The following ATP10A variants were observed in gnomAD, a reference collection of about 807,000 sequenced individuals.
The protein encoded by ATP10A is ATPase phospholipid transporting 10A (putative), also known as phospholipid-transporting ATPase VA.
Under a neutral mutation model 147.8 loss-of-function variants are expected in ATP10A, and 111 were observed. The observed-to-expected ratio is 0.75, with a 90% CI of 0.64 to 0.88. The LOEUF (loss-of-function observed/expected upper bound fraction) is 0.88, where lower values mean the gene tolerates loss of function less well. Among genes scored for constraint, ATP10A ranks in the 40% least tolerant of loss-of-function variants. The probability of loss-of-function intolerance (pLI) is 0.00; values close to 1 mark genes in which losing one functional copy is unlikely to be tolerated. For synonymous variants in ATP10A, 875 were observed against 841.6 expected (o/e 1.04, Z -0.69); for missense variants, 1,927 against 1,959.0 (o/e 0.98, Z 0.31).
chr15:25,704,828 C>T (rs911362370), intron 12 of ATP10A, among the ~76,000 whole-genome samples: 2 of 152,142 alleles, frequency 1.3e-5, no homozygotes, highest in Admixed American at 6.5e-5. Flanking sequence ...TGAGTAAATG[C>T]CACTGTCTTT....
At chr15:25,675,826 G>A (rs1899125578), downstream of ATP10A, among the ~76,000 whole-genome samples, 2 of 152,076 alleles carry the variant, frequency 1.3e-5, no homozygotes, top group East Asian at 1.9e-4. Flanking sequence ...GGTGCCTATA[G>A]TCCCAGCTAC....
At chr15:25,783,876 G>A (rs1890041675) in intron 1 of ATP10A, among the ~76,000 whole-genome samples, 5 of 152,152 alleles carry the variant, frequency 3.3e-5, no homozygotes, top group South Asian at 2.1e-4. Context: ...AGGGAACCAT[G>A]GGGTCCTCTG....
chr15:25,741,941 C>A (rs1887599816), intron 2 of ATP10A, among the ~76,000 whole-genome samples: 1 of 152,244 alleles, frequency 6.6e-6, no homozygotes, highest in South Asian at 2.1e-4. Flanking sequence ...GTGATAATTT[C>A]TCCAAGTTCC....
intron 1 of ATP10A, among the ~76,000 whole-genome samples, chr15:25,834,781 A>G (rs1344913171): frequency 6.6e-6 from 1 of 152,258 alleles, no homozygotes; most frequent in Non-Finnish European, 1.5e-5. Context: ...ACCATTTAAC[A>G]ATGAACAAAA....
intron 1 of ATP10A, among the ~76,000 whole-genome samples, chr15:25,849,176 G>A (rs1441662207): frequency 2.6e-5 from 4 of 152,094 alleles, no homozygotes; most frequent in Non-Finnish European, 2.9e-5. Flanking sequence ...TAGCTGCTTG[G>A]TGGCTGGACC....
At chr15:25,805,633 G>A (rs553570808) in intron 1 of ATP10A, among the ~76,000 whole-genome samples, 4 of 152,278 alleles carry the variant, frequency 2.6e-5, no homozygotes, top group Admixed American at 6.5e-5. Flanking sequence ...CAGATTGGAG[G>A]GGTGTGTCTG....
chr15:25,782,720 C>T (rs545939022), intron 1 of ATP10A, among the ~76,000 whole-genome samples: 1 of 152,096 alleles, frequency 6.6e-6, no homozygotes, highest in African/African-American at 2.4e-5. Context: ...ATTCTTTTTC[C>T]TGGAATAACA....
chr15:25,777,113 G>C (rs1889652697), intron 2 of ATP10A, among the ~76,000 whole-genome samples: 1 of 151,870 alleles, frequency 6.6e-6, no homozygotes, highest in Non-Finnish European at 1.5e-5. Context: ...GTGTGTGTGT[G>C]TGTGTACCCG....
Position 25,679,487 on chromosome 15 carries a change from T to C in ATP10A, c.4354A>G (p.Ser1452Gly), listed in dbSNP as rs370825243. 6.2e-7 allele frequency: 1 copy of C among 1,613,708 alleles called. No homozygotes were observed. The highest frequency in any genetic ancestry group is 1.3e-5 in the African/African-American group (1 of 74,874). Residue 1452 changes from serine to glycine, a missense_variant, in exon 21 of 21, where the codon AGT (serine) becomes GGT (glycine). Coordinates refer to ENST00000555815, the MANE Select transcript of ATP10A (RefSeq NM_024490.4). Reference protein sequence around the residue: ...SSWSLVSRLGSVLQFSRTEQL... With the variant: ...SSWSLVSRLGGVLQFSRTEQL... ...TCCGTCCGGGAGAACTGTAAGACAC[T>C]CCCCAGCCTGCTGACCAGCGACCAG...
chr15:25,837,136 A>G (rs191677452), intron 1 of ATP10A, among the ~76,000 whole-genome samples: 314 of 152,264 alleles, frequency 2.1e-3, no homozygotes, highest in Non-Finnish European at 3.5e-3. Flanking sequence ...TTTCCGGTAT[A>G]TAATACAAGA....
intron 13 of ATP10A, among the ~76,000 whole-genome samples, chr15:25,695,572 T>A (rs1198310309): frequency 6.6e-6 from 1 of 152,006 alleles, no homozygotes; most frequent in East Asian, 1.9e-4. Flanking sequence ...GAGCTTGCAG[T>A]GAGCCAAGAT....
chr15:25,721,543 CGTGTGTGT>C (rs59037981), intron 7 of ATP10A, 106 bp downstream of exon 7: 22,459 of 745,504 alleles, frequency 0.03, 277 homozygotes, highest in African/African-American at 0.1. Flanking sequence ...ATCCCTGAAG[CGTGTGTGT>C]GTGTGTGTGT....
chr15:25,737,197 G>A (rs914939475), intron 2 of ATP10A, among the ~76,000 whole-genome samples: 6 of 152,178 alleles, frequency 3.9e-5, no homozygotes, highest in Non-Finnish European at 8.8e-5. Flanking sequence ...CTTCTCCTTG[G>A]ACTGAAATGG....
chr15:25,780,951 A>G (rs1889889080), intron 2 of ATP10A, 68 bp downstream of exon 2: 2 of 1,519,696 alleles, frequency 1.3e-6, no homozygotes, highest in African/African-American at 2.7e-5. Context: ...TCTGAGCCCC[A>G]GAAGGCTGTC....
chr15:25,713,628 A>G (rs1901573016), intron 10 of ATP10A, 46 bp downstream of exon 10: 3 of 1,567,028 alleles, frequency 1.9e-6, no homozygotes, highest in Middle Eastern at 1.7e-4. Context: ...ATTTCTCAGG[A>G]CCTCCTCCCC....
At chr15:25,836,122 A>G (rs1222797000) in intron 1 of ATP10A, among the ~76,000 whole-genome samples, 1 of 152,002 alleles carries the variant, frequency 6.6e-6, no homozygotes, top group African/African-American at 2.4e-5. Flanking sequence ...CTAATTTTTC[A>G]ATTTTTAGTA....
intron 1 of ATP10A, among the ~76,000 whole-genome samples, chr15:25,791,928 T>C (rs12148308): frequency 0.069 from 10,558 of 152,278 alleles, 582 homozygotes; most frequent in East Asian, 0.29. Context: ...CAGTCACCTA[T>C]GTCCCTGTAT....
chr15:25,706,025 C>T (rs1900988126), intron 12 of ATP10A, among the ~76,000 whole-genome samples: 3 of 152,238 alleles, frequency 2.0e-5, no homozygotes, highest in South Asian at 4.1e-4. Context: ...ACGCTGATGA[C>T]CGGGATCCCG....
At chr15:25,826,742 C>A (rs1178357864) in intron 1 of ATP10A, among the ~76,000 whole-genome samples, 1 of 152,114 alleles carries the variant, frequency 6.6e-6, no homozygotes, top group East Asian at 1.9e-4. Context: ...CTGCAGTGGG[C>A]CTAGATCGTG....
Sources: allele counts gnomAD v4.1 joint callset (sites outside exome capture counted in the v4.1 genomes callset), GRCh38; gene constraint gnomAD v4.1.1; transcripts MANE v1.5; gene names NCBI Gene and HGNC (gene_info 2026-07-23, HGNC 2026-07-21).